FUT9: variants seen among roughly 807,000 people sequenced by gnomAD.
The protein encoded by FUT9 is 4-galactosyl-N-acetylglucosaminide 3-alpha-L-fucosyltransferase 9.
FUT9 carries 15 observed loss-of-function variants against 29.7 expected under a neutral mutation model. That is an observed-to-expected ratio of 0.51 (90% CI 0.34 to 0.78). The LOEUF is 0.78. FUT9 is among the 30% of genes least tolerant of loss of function. The pLI is 0.01. For synonymous variants in FUT9, 169 were observed against 153.7 expected, an observed-to-expected ratio of 1.10 and a Z score of -0.74; for missense variants, 319 against 425.4, an observed-to-expected ratio of 0.75 and a Z score of 2.20.
intron 1 of FUT9, among the ~76,000 whole-genome samples, chr6:96,072,596 T>TG (rs1771080679): frequency 6.6e-6 from 1 of 152,194 alleles, no homozygotes; most frequent in East Asian, 1.9e-4. Flanking sequence ...CGTACCTCTA[T>TG]GGGGTATGCA....
chr6:96,045,334 G>A (rs2248645), intron 1 of FUT9, among the ~76,000 whole-genome samples: 96,863 of 152,026 alleles, frequency 0.64, 31,133 homozygotes, highest in African/African-American at 0.72. Context: ...GAAGTATAAG[G>A]GAATAAGAGA....
chr6:96,021,753 A>T (rs1770073462), intron 1 of FUT9, among the ~76,000 whole-genome samples: 1 of 152,090 alleles, frequency 6.6e-6, no homozygotes, highest in Non-Finnish European at 1.5e-5. Context: ...AATAATACGT[A>T]TTACATGTCA....
intron 1 of FUT9, among the ~76,000 whole-genome samples, chr6:96,057,123 A>G (rs561209575): frequency 5.8e-4 from 88 of 152,324 alleles, no homozygotes; most frequent in African/African-American, 2.1e-3. Flanking sequence ...TGACATTTTC[A>G]ATTTATAAAG....
At chr6:96,179,688 A>T (rs1198343179) in intron 2 of FUT9, among the ~76,000 whole-genome samples, 1 of 152,172 alleles carries the variant, frequency 6.6e-6, no homozygotes, top group Non-Finnish European at 1.5e-5. Flanking sequence ...GAATTCTTAT[A>T]CATAAGAACA....
intron 2 of FUT9, among the ~76,000 whole-genome samples, chr6:96,198,626 T>A (rs1201867319): frequency 6.6e-6 from 1 of 152,210 alleles, no homozygotes; most frequent in African/African-American, 2.4e-5. Flanking sequence ...CCTTTGGGTA[T>A]ATACCCAGTA....
chr6:96,029,028 G>A (rs1258286100), intron 1 of FUT9, among the ~76,000 whole-genome samples: 3 of 151,312 alleles, frequency 2.0e-5, no homozygotes, highest in Non-Finnish European at 4.4e-5. Flanking sequence ...CATAACTTTT[G>A]TTAAACCTGT....
chr6:96,022,925 T>G (rs1181592272), intron 1 of FUT9, among the ~76,000 whole-genome samples: 3 of 151,870 alleles, frequency 2.0e-5, no homozygotes, highest in African/African-American at 7.2e-5. Flanking sequence ...AGGGCTCCTG[T>G]GAATGGAAGC....
At chr6:96,166,690 C>T (rs1198462389) in intron 2 of FUT9, among the ~76,000 whole-genome samples, 2 of 151,812 alleles carry the variant, frequency 1.3e-5, no homozygotes, top group Admixed American at 6.6e-5. Flanking sequence ...ACATAGTTGC[C>T]CCTCAGTATC....
At position 96,051,422 on chromosome 6, in the gene FUT9, G is replaced by A. The variant is rs149865082; in HGVS notation, c.-98+35210G>A. Among the ~76,000 whole-genome samples the A allele has an allele frequency of 3.9e-5, 6 of 152,216 alleles. No individual in the cohort carries two copies. The East Asian group carries it at 9.7e-4, about 25-fold the overall frequency. On this transcript the variant is annotated intron_variant, in intron 1 of 2. Transcript: ENST00000302103. ...AATCTCAGCATTTAGAGGCTGAGGTGAGAGGATTGCTTGAAGCCAAGAGTT... is the reference window on the plus strand; with the variant it reads ...AATCTCAGCATTTAGAGGCTGAGGTAAGAGGATTGCTTGAAGCCAAGAGTT...
chr6:96,184,686 T>G lies in FUT9; in HGVS notation c.-8-18462T>G, dbSNP rs1773373058. On this transcript the variant is annotated intron_variant, in intron 2 of 2. Transcript: ENST00000302103. ...CGTTCAGTTCAAACAACTTTTAAAT[T>G]TCCATCTTGATTTCATTGTTGACCT... is the stretch of plus-strand genomic sequence containing the variant. 2.0e-5 allele frequency among the ~76,000 whole-genome samples: 3 copies of G among 152,102 alleles called. No individual in the cohort carries two copies. The East Asian group carries it at 5.8e-4, about 29-fold the overall frequency.
At chr6:96,058,068 CT>C (rs1369820336) in intron 1 of FUT9, among the ~76,000 whole-genome samples, 5 of 152,114 alleles carry the variant, frequency 3.3e-5, no homozygotes, top group African/African-American at 1.2e-4. Flanking sequence ...CAGCACTCTA[CT>C]TTTTATAACG....
At chr6:96,066,805 C>T (rs1171754163) in intron 1 of FUT9, among the ~76,000 whole-genome samples, 1 of 152,044 alleles carries the variant, frequency 6.6e-6, no homozygotes, top group African/African-American at 2.4e-5. Context: ...AGATTTTCCT[C>T]GTTCTCCTCC....
intron 2 of FUT9, among the ~76,000 whole-genome samples, chr6:96,121,972 T>C (rs1772036882): frequency 6.6e-6 from 1 of 152,024 alleles, no homozygotes. Context: ...CTTTATATGA[T>C]AAAGTGAGAG....
chr6:96,167,844 G>A (rs1773041111), intron 2 of FUT9, among the ~76,000 whole-genome samples: 1 of 152,110 alleles, frequency 6.6e-6, no homozygotes, highest in Non-Finnish European at 1.5e-5. Flanking sequence ...GAGTGCTACT[G>A]TGCTCAAGAT....
intron 1 of FUT9, among the ~76,000 whole-genome samples, chr6:96,032,467 G>C (rs1770280382): frequency 6.6e-6 from 1 of 151,436 alleles, no homozygotes; most frequent in South Asian, 2.1e-4. Context: ...AAGTAGTAAG[G>C]AAAGAAAAGA....
chr6:96,109,821 A>C (rs1405597872), intron 1 of FUT9, among the ~76,000 whole-genome samples: 1 of 152,108 alleles, frequency 6.6e-6, no homozygotes. Context: ...CCATTGCACT[A>C]TAAAGTCTAA....
chr6:96,060,933 A>T (rs938914254), intron 1 of FUT9, among the ~76,000 whole-genome samples: 1 of 152,218 alleles, frequency 6.6e-6, no homozygotes, highest in African/African-American at 2.4e-5. Flanking sequence ...TATAACATTG[A>T]AACAGTGAGT....
chr6:96,204,107 T>C lies in FUT9; in HGVS notation c.952T>C (p.Trp318Arg), dbSNP rs768659785. 6.6e-7 allele frequency: 1 copy of C among 1,507,348 alleles called. No homozygotes were observed. The highest frequency in any genetic ancestry group is 8.9e-7 in the Non-Finnish European group (1 of 1,128,674). The allele number at this position is 1,507,348 out of a possible 1,614,324, so 93.4% of individuals were successfully genotyped here. The change falls in exon 3 of 3, where the codon TGG becomes CGG. Residue 318 changes from tryptophan to arginine, a missense_variant. Transcript: ENST00000302103. ...NNKLYLSYFN[W>R]RKDFTVNLPR... ...TAAGTTATACCTTAGTTACTTTAAC[T>C]GGAGGAAGGATTTCACTGTAAATCT...
intron 1 of FUT9, among the ~76,000 whole-genome samples, chr6:96,069,434 T>C (rs9485647): frequency 0.56 from 84,094 of 151,474 alleles, 23,460 homozygotes; most frequent in South Asian, 0.64. Flanking sequence ...ATGAGAAGAT[T>C]GGAAAAAATC....
Sources: allele counts gnomAD v4.1 joint callset (sites outside exome capture counted in the v4.1 genomes callset), GRCh38; gene constraint gnomAD v4.1.1; transcripts MANE v1.5; gene names NCBI Gene and HGNC (gene_info 2026-07-23, HGNC 2026-07-21).